The following SCAMP1 variants were observed in gnomAD, a reference collection of about 807,000 sequenced individuals.
The protein encoded by SCAMP1 is secretory carrier-associated membrane protein 1.
SCAMP1 carries 15 observed loss-of-function variants against 41.8 expected under a neutral mutation model. That is an observed-to-expected ratio of 0.36 (90% CI 0.24 to 0.55). The LOEUF is 0.55. Ranked by LOEUF, SCAMP1 falls within the 20% of genes least tolerant of loss-of-function variation. The pLI is 0.86. For missense variants in SCAMP1, 341 were observed against 412.6 expected (o/e 0.83, Z 1.50); for synonymous variants, 135 against 136.8 (o/e 0.99, Z 0.09).
chr5:78,401,314 G>T (rs547574026), intron 2 of SCAMP1, among the ~76,000 whole-genome samples: 33 of 152,072 alleles, frequency 2.2e-4, no homozygotes, highest in African/African-American at 7.7e-4. Context: ...TAGTGTCTTT[G>T]GTTTGATATG....
intron 5 of SCAMP1, among the ~76,000 whole-genome samples, chr5:78,420,456 C>A (rs1182391247): frequency 6.6e-6 from 1 of 151,904 alleles, no homozygotes; most frequent in Non-Finnish European, 1.5e-5. Flanking sequence ...GATCTTAACA[C>A]AACCACCCTT....
intron 6 of SCAMP1, among the ~76,000 whole-genome samples, chr5:78,430,739 G>A (rs1752600636): frequency 1.3e-5 from 2 of 151,918 alleles, no homozygotes; most frequent in South Asian, 4.1e-4. Flanking sequence ...AGAAGCTTAG[G>A]ATGTTATGTT....
rs543079424 is a variant in SCAMP1 at position 78,476,410 on chromosome 5, G to A, written c.*742G>A. Reference sequence around the variant, plus strand: ...AAAGTTTGGGGGTGCAATATAAGAAGTTTATATAATATGCAGTACATTATC... The same window carrying A: ...AAAGTTTGGGGGTGCAATATAAGAAATTTATATAATATGCAGTACATTATC... On this transcript the variant is annotated 3_prime_UTR_variant, in exon 9 of 9. Transcript: ENST00000621999. The A allele has an allele frequency of 6.6e-6, 1 of 152,588 alleles. No homozygotes were observed. The highest frequency in any genetic ancestry group is 1.9e-4 in the East Asian group (1 of 5,184). The allele number at this position is 152,588 out of a possible 1,614,324, so 9.5% of individuals were successfully genotyped here. A position where few individuals can be genotyped will look rare whatever the true frequency, so the allele number is the denominator to read the frequency against.
At chr5:78,440,165 G>T (rs1011082403) in intron 6 of SCAMP1, among the ~76,000 whole-genome samples, 2 of 152,138 alleles carry the variant, frequency 1.3e-5, no homozygotes, top group African/African-American at 4.8e-5. Flanking sequence ...CTTTAGCTCG[G>T]AGAAGTTTGT....
chr5:78,415,926 T>C (rs1752199180), intron 3 of SCAMP1, among the ~76,000 whole-genome samples: 1 of 152,172 alleles, frequency 6.6e-6, no homozygotes, highest in African/African-American at 2.4e-5. Context: ...GATGGAATAA[T>C]AGATATTATT....
intron 2 of SCAMP1, among the ~76,000 whole-genome samples, chr5:78,392,728 CTGT>C (rs1751551986): frequency 6.6e-6 from 1 of 152,168 alleles, no homozygotes; most frequent in Non-Finnish European, 1.5e-5. Flanking sequence ...TTCCTCTGCA[CTGT>C]TAACATGATG....
chr5:78,471,138 A>G (rs1753874459), intron 8 of SCAMP1, among the ~76,000 whole-genome samples: 1 of 152,198 alleles, frequency 6.6e-6, no homozygotes, highest in African/African-American at 2.4e-5. Flanking sequence ...GTAGGATATA[A>G]TACAAAATGG....
At chr5:78,440,184 A>G (rs1752882233) in intron 6 of SCAMP1, among the ~76,000 whole-genome samples, 1 of 152,098 alleles carries the variant, frequency 6.6e-6, no homozygotes. Flanking sequence ...GTTATTACGG[A>G]TCGTCTGAAG....
chr5:78,466,999 A>G (rs1342364043), intron 8 of SCAMP1, among the ~76,000 whole-genome samples: 1 of 152,194 alleles, frequency 6.6e-6, no homozygotes, highest in Non-Finnish European at 1.5e-5. Flanking sequence ...GGACCATTCA[A>G]GAAGAGAGTA....
chr5:78,373,573 T>TC (rs1750996700), intron 1 of SCAMP1, among the ~76,000 whole-genome samples: 1 of 152,164 alleles, frequency 6.6e-6, no homozygotes, highest in African/African-American at 2.4e-5. Context: ...AATGTTCAGT[T>TC]CTTTGCCCTA....
intron 1 of SCAMP1, among the ~76,000 whole-genome samples, chr5:78,365,323 A>G (rs1177726756): frequency 6.6e-6 from 1 of 151,700 alleles, no homozygotes; most frequent in East Asian, 1.9e-4. Flanking sequence ...AAACACAAAA[A>G]ATTAGCTTGG....
rs1369118824 is a variant in SCAMP1 at position 78,414,152 on chromosome 5, G to A, written c.136-1368G>A. Among the ~76,000 whole-genome samples the A allele has an allele frequency of 3.3e-5, 5 of 151,842 alleles. No homozygotes were observed. In the East Asian group the frequency reaches 7.7e-4, roughly 24 times the overall value. On this transcript the variant is annotated intron_variant, in intron 2 of 8. Transcript: ENST00000621999. ...CATATAAAACAACAGGTGCAAGTCC[G>A]TCTGATATCAGGTGGCCGAGACTTC...
At chr5:78,464,542 CA>C (rs1271061783) in intron 8 of SCAMP1, among the ~76,000 whole-genome samples, 2 of 152,128 alleles carry the variant, frequency 1.3e-5, no homozygotes, top group African/African-American at 2.4e-5. Context: ...ATCCTTCTCG[CA>C]GTCCATTTAA....
rs1752346331 is a variant in SCAMP1 at position 78,421,836 on chromosome 5, T to A, written c.508T>A (p.Cys170Ser). 2.5e-6 allele frequency: 4 copies of A among 1,613,816 alleles called. No homozygotes were observed. The highest frequency in any genetic ancestry group is 3.4e-6 in the Non-Finnish European group (4 of 1,179,854). Reference sequence around the variant, plus strand: ...AACACTGTTTCTAAATATCTTCGGATGCTTGGCTTGGTTTTGTGTTGATTC... The same window carrying A: ...AACACTGTTTCTAAATATCTTCGGAAGCTTGGCTTGGTTTTGTGTTGATTC... The part of the protein sequence containing the change: ...AVTLFLNIFG[C>S]LAWFCVDSAR... The change falls in exon 6 of 9, where the codon TGC becomes AGC. Residue 170 changes from cysteine to serine, a missense_variant. Transcript: ENST00000621999.
intron 6 of SCAMP1, among the ~76,000 whole-genome samples, chr5:78,433,867 C>A (rs1012108867): frequency 1.3e-5 from 2 of 152,114 alleles, no homozygotes; most frequent in African/African-American, 4.8e-5. Context: ...TCTCAGTGAT[C>A]CTGCCCCACC....
At chr5:78,432,701 G>A (rs1752653514) in intron 6 of SCAMP1, among the ~76,000 whole-genome samples, 1 of 151,824 alleles carries the variant, frequency 6.6e-6, no homozygotes, top group Non-Finnish European at 1.5e-5. Context: ...TGCAATGTGT[G>A]TTATGTATAT....
rs1327762485 is a variant in SCAMP1 at position 78,453,662 on chromosome 5, G to A, written c.734+3628G>A. Among the ~76,000 whole-genome samples the A allele has an allele frequency of 3.3e-4, 50 of 152,250 alleles. No homozygotes were observed. In the East Asian group the frequency reaches 5.6e-3, roughly 17 times the overall value. On this transcript the variant is annotated intron_variant, in intron 7 of 8. Transcript: ENST00000621999. Reference sequence around the variant, plus strand: ...TCTTTTGGCTTAGGATAGCCTTGGCGATGCGGGCTCTTTTTTGGTTCCATA... The same window carrying A: ...TCTTTTGGCTTAGGATAGCCTTGGCAATGCGGGCTCTTTTTTGGTTCCATA...
intron 6 of SCAMP1, among the ~76,000 whole-genome samples, chr5:78,424,948 C>T (rs1473989640): frequency 6.6e-6 from 1 of 152,152 alleles, no homozygotes; most frequent in Non-Finnish European, 1.5e-5. Context: ...CGGTTCTGAG[C>T]ACATGCAGTA....
chr5:78,361,044 A>C, intron 1 of SCAMP1: 1 of 280,746 alleles, frequency 3.6e-6, no homozygotes, highest in East Asian at 7.6e-5. Flanking sequence ...TCAGGAGAGA[A>C]AGCCGAGGGC....
Sources: allele counts gnomAD v4.1 joint callset (sites outside exome capture counted in the v4.1 genomes callset), GRCh38; gene constraint gnomAD v4.1.1; transcripts MANE v1.5; gene names NCBI Gene and HGNC (gene_info 2026-07-23, HGNC 2026-07-21).